MPPED1: variants seen among roughly 807,000 people sequenced by gnomAD.
MPPED1 encodes metallophosphoesterase domain-containing protein 1.
Under a neutral mutation model 36.2 loss-of-function variants are expected in MPPED1, and 16 were observed. That is an observed-to-expected ratio of 0.44 (90% CI 0.30 to 0.67). The LOEUF is 0.67. Ranked by LOEUF, MPPED1 falls within the 30% of genes least tolerant of loss-of-function variation. The pLI is 0.10. For synonymous variants in MPPED1, 199 were observed against 191.3 expected (o/e 1.04, Z -0.33); for missense variants, 307 against 453.4 (o/e 0.68, Z 2.93).
intron 3 of MPPED1, among the ~76,000 whole-genome samples, chr22:43,453,905 G>A (rs189728255): frequency 1.3e-5 from 2 of 152,080 alleles, no homozygotes; most frequent in East Asian, 1.9e-4. Flanking sequence ...GAACTTTTTT[G>A]TCTTCCCAAA....
intron 2 of MPPED1, among the ~76,000 whole-genome samples, chr22:43,432,585 GA>G: frequency 2.0e-5 from 1 of 50,430 alleles, no homozygotes; most frequent in Non-Finnish European, 4.4e-5. Context: ...GAGAGAGAGG[GA>G]AAGAGGGAGG....
At chr22:43,496,463 ATGGTGG>A (rs1237482524) in intron 4 of MPPED1, among the ~76,000 whole-genome samples, 8 of 1,894 alleles carry the variant, frequency 4.2e-3, no homozygotes, top group Non-Finnish European at 5.7e-3. Flanking sequence ...GGTGGTGGAG[ATGGTGG>A]TGGTGGTGGT....
intron 3 of MPPED1, among the ~76,000 whole-genome samples, chr22:43,444,276 TG>T (rs1555945959): frequency 9.4e-6 from 1 of 106,158 alleles, no homozygotes; most frequent in African/African-American, 3.5e-5. Flanking sequence ...TGAGACCCAC[TG>T]GGGTGTGTGT....
At chr22:43,418,693 C>T (rs1426755820) in intron 1 of MPPED1, 1 of 159,854 alleles carries the variant, frequency 6.3e-6, no homozygotes, top group African/African-American at 2.4e-5. Flanking sequence ...GCTCCCAGAA[C>T]AGGATCTGGC....
intron 3 of MPPED1, among the ~76,000 whole-genome samples, chr22:43,457,503 G>A (rs1930795983): frequency 6.6e-6 from 1 of 151,864 alleles, no homozygotes; most frequent in Non-Finnish European, 1.5e-5. Context: ...AGCATGTTAT[G>A]TTTAATATAA....
intron 2 of MPPED1, among the ~76,000 whole-genome samples, chr22:43,434,057 G>A (rs1929864517): frequency 6.6e-6 from 1 of 152,224 alleles, no homozygotes; most frequent in Non-Finnish European, 1.5e-5. Context: ...TTTCTGCACT[G>A]GGGTGCCCAG....
chr22:43,495,470 A>ATGGTGGAGGTGGTGG (rs1569088567), intron 4 of MPPED1, among the ~76,000 whole-genome samples: 2 of 49,932 alleles, frequency 4.0e-5, no homozygotes, highest in Non-Finnish European at 7.5e-5. Flanking sequence ...AGTGCTGGTG[A>ATGGTGGAGGTGGTGG]TGGTGGAGGT....
intron 5 of MPPED1, 108 bp downstream of exon 5, chr22:43,498,458 G>A (rs1932502762): frequency 2.6e-6 from 2 of 772,004 alleles, no homozygotes; most frequent in Non-Finnish European, 4.0e-6. Flanking sequence ...GAGGGGTTCT[G>A]AGTCCCACTT....
chr22:43,491,159 AG>A (rs1331003492), intron 4 of MPPED1, among the ~76,000 whole-genome samples: 1 of 152,234 alleles, frequency 6.6e-6, no homozygotes, highest in African/African-American at 2.4e-5. Flanking sequence ...GCAATTTGAA[AG>A]ACCCTGCTGT....
intron 1 of MPPED1, chr22:43,416,343 C>T (rs1002471101): frequency 6.6e-6 from 1 of 152,154 alleles, no homozygotes; most frequent in Non-Finnish European, 1.5e-5. Flanking sequence ...TGGCAAAACC[C>T]CAATATCAGA....
rs539334544 is a variant in MPPED1 at position 43,498,784 on chromosome 22, C to T, written c.748+434C>T. ...CCAGGGCCTGTAGACCACCTCCCAT[C>T]TCTCCTCTCTGCCCCCACCCCACCA... is the stretch of plus-strand genomic sequence containing the variant. On this transcript the variant is annotated intron_variant, in intron 5 of 6. Transcript: ENST00000443721. Among the ~76,000 whole-genome samples, 213 of 152,106 alleles carry T rather than the reference C, an allele frequency of 1.4e-3. 3 individuals carry two copies. The highest frequency in any genetic ancestry group is 4.9e-3 in the African/African-American group (204 of 41,472).
At chr22:43,454,802 C>T (rs1307995123) in intron 3 of MPPED1, among the ~76,000 whole-genome samples, 1 of 152,184 alleles carries the variant, frequency 6.6e-6, no homozygotes, top group Non-Finnish European at 1.5e-5. Context: ...ATGCTTGCTT[C>T]AGCCTCCCAG....
At chr22:43,459,979 C>T (rs180965041) in intron 3 of MPPED1, among the ~76,000 whole-genome samples, 43 of 152,132 alleles carry the variant, frequency 2.8e-4, no homozygotes, top group Admixed American at 1.8e-3. Flanking sequence ...GAGGCCAAGG[C>T]GAGTGGATCA....
At chr22:43,482,362 G>A (rs1026040639) in intron 4 of MPPED1, among the ~76,000 whole-genome samples, 1 of 152,104 alleles carries the variant, frequency 6.6e-6, no homozygotes, top group Non-Finnish European at 1.5e-5. Context: ...GGGCGTCTGC[G>A]CTCGGATCCT....
rs562051496 is a variant in MPPED1, at chr22:43,505,851, G to A, written c.*235G>A. The A allele has an allele frequency of 2.2e-5, 11 of 500,808 alleles. No individual in the cohort carries two copies. Among genetic ancestry groups the A allele is most frequent in the South Asian group, 1.2e-4 (4 of 32,904 alleles). The allele number at this position is 500,808 out of a possible 1,614,324, so 31.0% of individuals were successfully genotyped here. The stretch of plus-strand genomic sequence containing the variant: ...TACTTTTTCTGCGTGTACATCCTGC[G>A]TGTACCTCGTTAAAGGACCTACTAA... On this transcript the variant is annotated 3_prime_UTR_variant, in exon 7 of 7. Transcript: ENST00000443721.
chr22:43,486,210 C>T (rs532446965), intron 4 of MPPED1, among the ~76,000 whole-genome samples: 45 of 152,368 alleles, frequency 3.0e-4, no homozygotes, highest in African/African-American at 1.0e-3. Context: ...ATCTCTGAGC[C>T]TCAGTTTCCC....
chr22:43,425,049 G>C lies in MPPED1; in HGVS notation c.64G>C (p.Gly22Arg). Residue 22 changes from glycine to arginine, a missense_variant, in exon 2 of 7, where the codon GGC (glycine) becomes CGC (arginine). By Grantham distance (125) the Gly-to-Arg change is moderately radical. This residue lies in a region of MPPED1 where 169 missense variants were observed against 212.3 expected (regional missense o/e 0.80). Transcript: ENST00000443721. Reference sequence around the variant, plus strand: ...GGAGGCCCTGGCCCTCCTCCCCTGCGGCCTGGGCATGGCATTCTCCCAGTC... The same window carrying C: ...GGAGGCCCTGGCCCTCCTCCCCTGCCGCCTGGGCATGGCATTCTCCCAGTC... ...KAEALALLPC[G>R]LGMAFSQSHV... 6.2e-7 allele frequency: 1 copy of C among 1,612,764 alleles called. No homozygotes were observed. Among genetic ancestry groups the C allele is most frequent in the African/African-American group, 1.3e-5 (1 of 75,044 alleles).
Position 43,497,929 on chromosome 22 carries a change from G to GTGTATATATATATATATATA in MPPED1, c.633-305_633-304insGTATATATATATATATATAT, listed in dbSNP as rs1555904565. Among the ~76,000 whole-genome samples, 206 of 48,696 alleles carry GTGTATATATATATATATATA rather than the reference G, an allele frequency of 4.2e-3. 8 individuals carry two copies. Among genetic ancestry groups the GTGTATATATATATATATATA allele is most frequent in the African/African-American group, 0.012 (186 of 15,806 alleles). The allele number at this position is 48,696 out of a possible 152,430, so 31.9% of individuals were successfully genotyped here. A position where few individuals can be genotyped will look rare whatever the true frequency, so the allele number is the denominator to read the frequency against. ...CTTAGGAAGAAGCTGATATATATAT[G>GTGTATATATATATATATATA]TATATGTATATATATATATGTATTT... On this transcript the variant is annotated intron_variant, in intron 4 of 6. Coordinates refer to ENST00000443721, the MANE Select transcript of MPPED1 (RefSeq NM_001044370.2).
intron 1 of MPPED1, chr22:43,416,537 G>A (rs1929080518): frequency 6.6e-6 from 1 of 152,180 alleles, no homozygotes; most frequent in African/African-American, 2.4e-5. Flanking sequence ...CCCCATTCCT[G>A]TTGAGTGTGA....
Sources: allele counts gnomAD v4.1 joint callset (sites outside exome capture counted in the v4.1 genomes callset), GRCh38; gene constraint gnomAD v4.1.1; regional missense constraint gnomAD v4.1.1; transcripts MANE v1.5; gene names NCBI Gene and HGNC (gene_info 2026-07-23, HGNC 2026-07-21).